PCSK2: variants seen among roughly 807,000 people sequenced by gnomAD.
The protein encoded by PCSK2 is neuroendocrine convertase 2.
Under a neutral mutation model 69.7 loss-of-function variants are expected in PCSK2, and 14 were observed. That is an observed-to-expected ratio of 0.20 (90% CI 0.13 to 0.31). PCSK2 has a LOEUF of 0.31. Among genes scored for constraint, PCSK2 ranks in the 10% least tolerant of loss-of-function variants. The pLI, the probability that PCSK2 is intolerant of heterozygous loss-of-function variation, is 1.00. For synonymous variants in PCSK2, 307 were observed against 320.7 expected (o/e 0.96, Z 0.46); for missense variants, 544 against 842.5 (o/e 0.65, Z 4.39).
chr20:17,409,450 A>T (rs2195108), intron 6 of PCSK2, 111 bp downstream of exon 6: 52,519 of 728,646 alleles, frequency 0.072, 2,397 homozygotes, highest in Middle Eastern at 0.18. Flanking sequence ...TGCTTCATTA[A>T]ATTATATTGT....
At chr20:17,418,608 A>G (rs897234208) in intron 6 of PCSK2, among the ~76,000 whole-genome samples, 1 of 152,224 alleles carries the variant, frequency 6.6e-6, no homozygotes, top group African/African-American at 2.4e-5. Flanking sequence ...GATGAGGCTC[A>G]TTCTCTCATT....
At chr20:17,419,962 G>C (rs1046720396) in intron 6 of PCSK2, among the ~76,000 whole-genome samples, 5 of 152,164 alleles carry the variant, frequency 3.3e-5, no homozygotes, top group African/African-American at 1.2e-4. Context: ...GCTGCAGAAA[G>C]TTTACTATAA....
intron 2 of PCSK2, among the ~76,000 whole-genome samples, chr20:17,260,626 G>T (rs1397592504): frequency 6.6e-6 from 1 of 152,108 alleles, no homozygotes; most frequent in Non-Finnish European, 1.5e-5. Flanking sequence ...GAGGACTTCG[G>T]GTTGCCTGGG....
intron 10 of PCSK2, 156 bp from the exon 11 acceptor site, chr20:17,465,170 T>C (rs1311962124): frequency 8.6e-6 from 6 of 695,646 alleles, no homozygotes; most frequent in Non-Finnish European, 1.6e-5. Flanking sequence ...GAATGGTGCA[T>C]GGACACCCTC....
intron 2 of PCSK2, among the ~76,000 whole-genome samples, chr20:17,309,091 C>T (rs6136062): frequency 0.13 from 19,577 of 152,124 alleles, 1,922 homozygotes; most frequent in East Asian, 0.53. Context: ...TGGCCATTTT[C>T]GCACAGTCCA....
intron 6 of PCSK2, among the ~76,000 whole-genome samples, chr20:17,417,744 G>A (rs1341433475): frequency 6.6e-6 from 1 of 152,136 alleles, no homozygotes; most frequent in Non-Finnish European, 1.5e-5. Context: ...ACCCCTCTGG[G>A]ATGAAATGAT....
At chr20:17,291,290 C>T (rs772403411) in intron 2 of PCSK2, among the ~76,000 whole-genome samples, 5 of 152,114 alleles carry the variant, frequency 3.3e-5, no homozygotes, top group Admixed American at 6.6e-5. Context: ...TCTTTTTACA[C>T]AGATGGCAGC....
chr20:17,419,150 T>C (rs2032067417), intron 6 of PCSK2, among the ~76,000 whole-genome samples: 1 of 152,340 alleles, frequency 6.6e-6, no homozygotes. Flanking sequence ...TTACTCATTG[T>C]TTTCCTTTAT....
At chr20:17,321,774 C>T (rs968491908) in intron 2 of PCSK2, among the ~76,000 whole-genome samples, 5 of 152,154 alleles carry the variant, frequency 3.3e-5, no homozygotes, top group Middle Eastern at 3.4e-3. Context: ...TAATTGATTC[C>T]GACATTCCAA....
At chr20:17,340,312 G>A (rs113287057) in intron 2 of PCSK2, among the ~76,000 whole-genome samples, 2,026 of 152,078 alleles carry the variant, frequency 0.013, 39 homozygotes, top group African/African-American at 0.045. Flanking sequence ...TAGCTTTATT[G>A]TTGAATCTGT....
At chr20:17,421,869 C>A (rs2032138634) in intron 6 of PCSK2, among the ~76,000 whole-genome samples, 1 of 132,140 alleles carries the variant, frequency 7.6e-6, no homozygotes, top group Non-Finnish European at 1.6e-5. Context: ...TCAAAATTAT[C>A]CTAAAATCCA....
At chr20:17,466,145 C>T (rs1315487340) in intron 11 of PCSK2, among the ~76,000 whole-genome samples, 1 of 152,174 alleles carries the variant, frequency 6.6e-6, no homozygotes, top group Non-Finnish European at 1.5e-5. Flanking sequence ...CATCACCCAG[C>T]TCAATAAGGA....
intron 2 of PCSK2, among the ~76,000 whole-genome samples, chr20:17,332,323 A>G (rs1014625333): frequency 3.9e-5 from 6 of 152,068 alleles, no homozygotes; most frequent in Admixed American, 3.3e-4. Flanking sequence ...CTCACACACA[A>G]ATACTATTTT....
At chr20:17,353,234 G>A (rs140846555) in intron 2 of PCSK2, among the ~76,000 whole-genome samples, 1,919 of 141,420 alleles carry the variant, frequency 0.014, 16 homozygotes, top group East Asian at 0.038. Context: ...AGGCCAAGGC[G>A]GGCGGATCAC....
chr20:17,441,084 C>A (rs1295252610), intron 8 of PCSK2, among the ~76,000 whole-genome samples: 1 of 152,182 alleles, frequency 6.6e-6, no homozygotes, highest in Non-Finnish European at 1.5e-5. Context: ...GGCTCTCCAA[C>A]TCACCCTTCC....
At chr20:17,447,964 C>G (rs978734225) in intron 8 of PCSK2, among the ~76,000 whole-genome samples, 5 of 152,124 alleles carry the variant, frequency 3.3e-5, no homozygotes, top group African/African-American at 1.2e-4. Context: ...CAAGAATCCA[C>G]AAAATATCAC....
At chr20:17,473,838 T>G (rs759436602) in intron 11 of PCSK2, among the ~76,000 whole-genome samples, 22 of 152,142 alleles carry the variant, frequency 1.4e-4, no homozygotes, top group Non-Finnish European at 1.5e-5. Flanking sequence ...CATAGTAACT[T>G]AATATTCTCA....
intron 1 of PCSK2, among the ~76,000 whole-genome samples, chr20:17,251,253 T>C (rs1260599518): frequency 6.6e-6 from 1 of 152,208 alleles, no homozygotes; most frequent in Non-Finnish European, 1.5e-5. Context: ...CCCTCACTTT[T>C]TTTATTTTAT....
intron 2 of PCSK2, among the ~76,000 whole-genome samples, chr20:17,294,407 G>T (rs980715094): frequency 6.6e-6 from 1 of 152,182 alleles, no homozygotes; most frequent in Non-Finnish European, 1.5e-5. Context: ...CGCCCGGCCT[G>T]CAGTCCTCAT....
Sources: allele counts gnomAD v4.1 joint callset (sites outside exome capture counted in the v4.1 genomes callset), GRCh38; gene constraint gnomAD v4.1.1; transcripts MANE v1.5; gene names NCBI Gene and HGNC (gene_info 2026-07-23, HGNC 2026-07-21).